Variants in DST observed in about 807,000 individuals in gnomAD.
DST encodes bullous pemphigoid antigen.
Under a neutral mutation model 875.2 loss-of-function variants are expected in DST, and 253 were observed. That is an observed-to-expected ratio of 0.29 (90% CI 0.26 to 0.32). The LOEUF (loss-of-function observed/expected upper bound fraction) is 0.32. Ranked by LOEUF, DST falls within the 10% of genes least tolerant of loss-of-function variation. DST has a pLI of 1.00. For missense variants in DST, 8,287 were observed against 9,111.6 expected (o/e 0.91, Z 3.68); for synonymous variants, 3,124 against 3,197.1 (o/e 0.98, Z 0.77).
At chr6:56,782,721 C>T (rs905781824) in intron 4 of DST, among the ~76,000 whole-genome samples, 1 of 152,092 alleles carries the variant, frequency 6.6e-6, no homozygotes, top group Non-Finnish European at 1.5e-5. Flanking sequence ...GTCTCTATTT[C>T]CTTCAGTTCT....
At chr6:56,704,459 T>C in intron 5 of DST, 90 bp from the exon 6 acceptor site, 2 of 630,102 alleles carry the variant, frequency 3.2e-6, no homozygotes, top group Non-Finnish European at 5.5e-6. Context: ...TAGAAAACAT[T>C]CCTCACATGG....
rs11964738 is a variant in DST at position 56,594,367 on chromosome 6, A to T, written c.12196-174T>A. 0.014 allele frequency among the ~76,000 whole-genome samples: 2,139 copies of T among 152,306 alleles called. 42 individuals are homozygous for T. Among genetic ancestry groups the T allele is most frequent in the African/African-American group, 0.048 (2,002 of 41,566 alleles). The stretch of plus-strand genomic sequence containing the variant: ...CCTTTTATTGGTGGATTTCAGAATA[A>T]CAAGGCATTTTGAGCATGCTAATCT... On this transcript the variant is annotated intron_variant, in intron 47 of 103. Coordinates refer to ENST00000680361, the MANE Select transcript of DST (RefSeq NM_001374736.1).
rs1488762782 is a variant in DST, at chr6:56,815,914, CA to C, written c.625+35482del. On this transcript the variant is annotated intron_variant, in intron 4 of 103. Coordinates refer to ENST00000680361, the MANE Select transcript of DST (RefSeq NM_001374736.1). ...AAATAGACATAAGGCATTCAGGACA[CA>C]AAGATGATTTCATACAATTTGGGTA... 2.0e-5 allele frequency among the ~76,000 whole-genome samples: 3 copies of C among 152,182 alleles called. No individual in the cohort carries two copies. The East Asian group carries it at 5.8e-4, about 29-fold the overall frequency.
intron 64 of DST, among the ~76,000 whole-genome samples, chr6:56,530,606 T>C (rs1174762505): frequency 3.9e-5 from 6 of 152,194 alleles, no homozygotes; most frequent in Non-Finnish European, 8.8e-5. Context: ...AGCTTCTTCC[T>C]CCTCTCCTTA....
rs752781301 is a variant in DST, at chr6:56,552,295, G to T, written c.16497C>A (p.Ser5499Arg). 6.2e-7 allele frequency: 1 copy of T among 1,613,956 alleles called. No individual in the cohort carries two copies. Among genetic ancestry groups the T allele is most frequent in the Non-Finnish European group, 8.5e-7 (1 of 1,179,884 alleles). ...GTIKRLEEFY[S>R]KLKEFSILLQ... Reference sequence around the variant, plus strand: ...GCAGAATAGAAAATTCTTTCAATTTGCTGTAAAATTCTTCAAGGCGCTTAA... The same window carrying T: ...GCAGAATAGAAAATTCTTTCAATTTTCTGTAAAATTCTTCAAGGCGCTTAA... The change falls in exon 61 of 104, where the codon AGC (serine) becomes AGA (arginine). Residue 5499 changes from serine (S) to arginine (R), a missense_variant. Physicochemically the swap from Ser to Arg is moderately radical, Grantham distance 110. Coordinates refer to ENST00000680361, the MANE Select transcript of DST (RefSeq NM_001374736.1).
intron 4 of DST, among the ~76,000 whole-genome samples, chr6:56,738,781 C>G (rs1430582983): frequency 6.6e-6 from 1 of 151,960 alleles, no homozygotes; most frequent in Non-Finnish European, 1.5e-5. Flanking sequence ...TGTCACCACG[C>G]TTGGTGAATT....
intron 3 of DST, among the ~76,000 whole-genome samples, chr6:56,856,480 C>CAA (rs200121381): frequency 3.3e-5 from 5 of 151,602 alleles, no homozygotes; most frequent in African/African-American, 1.2e-4. Flanking sequence ...AAATATTCAC[C>CAA]AAAAAAAACC....
At chr6:56,782,212 T>C (rs1347303307) in intron 4 of DST, among the ~76,000 whole-genome samples, 2 of 152,186 alleles carry the variant, frequency 1.3e-5, no homozygotes, top group Non-Finnish European at 2.9e-5. Context: ...TGCCCGGCTT[T>C]GGGATCAGGA....
chr6:56,607,574 G>T lies in DST; in HGVS notation c.7054C>A (p.Leu2352Ile), dbSNP rs1372303176. ...CTTCTAAGCATGCTAATGTCTGCAA[G>T]TTCAGTCTGTGTTAAATATGATATG... is the stretch of plus-strand genomic sequence containing the variant. ...SLISYLTQTE[L>I]ADISMLRSDS... The change falls in exon 40 of 104, where the codon CTT becomes ATT. Residue 2352 changes from leucine (L) to isoleucine (I), a missense_variant. By Grantham distance (5) the Leu-to-Ile change is conservative. Transcript: ENST00000680361. The T allele has an allele frequency of 1.9e-6, 3 of 1,612,328 alleles. No homozygotes were observed. The Admixed American group carries it at 5.0e-5, about 27-fold the overall frequency.
Position 56,714,009 on chromosome 6 carries a change from G to T in DST, c.688-9640C>A, listed in dbSNP as rs1249060592. On this transcript the variant is annotated intron_variant, in intron 5 of 103. Coordinates refer to ENST00000680361, the MANE Select transcript of DST (RefSeq NM_001374736.1). The surrounding 1 kb of genome is among the most constrained non-coding windows in gnomAD (Gnocchi z 4.5). ...ATCAAGACAACTGACAAAAGGAGAG[G>T]AACACTAAAACTATTTTTAAAGACA... 6.6e-6 allele frequency among the ~76,000 whole-genome samples: 1 copy of T among 152,090 alleles called. No homozygotes were observed. Among genetic ancestry groups the T allele is most frequent in the Non-Finnish European group, 1.5e-5 (1 of 68,022 alleles).
Position 56,607,449 on chromosome 6 carries a change from A to C in DST, c.7179T>G (p.Phe2393Leu). ...ECSHSKNIQN[F>L]PSDLIENPIM... ...TAGGATTTTCTATTAAATCACTTGG[A>C]AAGTTTTGAATGTTTTTAGAATGAC... Residue 2393 changes from phenylalanine to leucine, a missense_variant, in exon 40 of 104, where the codon TTT becomes TTG. Phe to Leu is a conservative substitution (Grantham distance 22). This residue lies in a region of DST where 3,138 missense variants were observed against 3,116.6 expected (regional missense o/e 1.01). Coordinates refer to ENST00000680361, the MANE Select transcript of DST (RefSeq NM_001374736.1). 1 of 1,605,240 alleles carries C rather than the reference A, an allele frequency of 6.2e-7. No homozygotes were observed. Among genetic ancestry groups the C allele is most frequent in the South Asian group, 1.1e-5 (1 of 90,278 alleles).
At chr6:56,731,750 T>C (rs2099499452) in intron 5 of DST, among the ~76,000 whole-genome samples, 1 of 152,230 alleles carries the variant, frequency 6.6e-6, no homozygotes, top group Non-Finnish European at 1.5e-5. Flanking sequence ...GTTATAACAG[T>C]GCTGCAATAA....
intron 4 of DST, among the ~76,000 whole-genome samples, chr6:56,799,620 G>T (rs2099744411): frequency 6.7e-6 from 1 of 149,798 alleles, no homozygotes; most frequent in Non-Finnish European, 1.5e-5. Context: ...TTTTTTGTTT[G>T]TTTGGTTTTG....
intron 3 of DST, among the ~76,000 whole-genome samples, chr6:56,868,071 T>A (rs1233121182): frequency 2.0e-5 from 3 of 152,192 alleles, no homozygotes; most frequent in Non-Finnish European, 4.4e-5. Flanking sequence ...AAACATTAAA[T>A]GTCTGGGTTT....
intron 87 of DST, among the ~76,000 whole-genome samples, chr6:56,486,541 T>C (rs1241003310): frequency 6.6e-6 from 1 of 152,116 alleles, no homozygotes; most frequent in Non-Finnish European, 1.5e-5. Context: ...TCTACTACTA[T>C]TGTACTCAAT....
intron 4 of DST, among the ~76,000 whole-genome samples, chr6:56,804,881 C>CT (rs2099751334): frequency 6.6e-6 from 1 of 152,076 alleles, no homozygotes; most frequent in South Asian, 2.1e-4. Context: ...TTTGAACTCA[C>CT]TTTACAAGAT....
chr6:56,712,090 C>CAAAAAAAAAAAAAAAAA (rs34769867), intron 5 of DST, among the ~76,000 whole-genome samples: 37 of 76,442 alleles, frequency 4.8e-4, no homozygotes, highest in Non-Finnish European at 9.5e-4. Context: ...GACTCCGTCT[C>CAAAAAAAAAAAAAAAAA]AAAAAAAAAA....
At chr6:56,707,092 G>T (rs951708538) in intron 5 of DST, among the ~76,000 whole-genome samples, 1 of 152,194 alleles carries the variant, frequency 6.6e-6, no homozygotes, top group African/African-American at 2.4e-5. Context: ...AGCTCAGGTG[G>T]TAAGGCTGGC....
At chr6:56,461,477 A>G (rs1202704157) in intron 102 of DST, 1 of 152,256 alleles carries the variant, frequency 6.6e-6, no homozygotes, top group African/African-American at 2.4e-5. Flanking sequence ...GAGAAGCCAC[A>G]AATTATGAAA....
Sources: gnomAD v4.1 joint callset for allele counts (sites outside exome capture counted in the v4.1 genomes callset) on GRCh38, gnomAD v4.1.1 for gene constraint, gnomAD v4.1.1 regional missense constraint, Gnocchi (gnomAD v3.1) non-coding constraint, MANE v1.5 for transcripts, NCBI Gene and HGNC (gene_info 2026-07-23, HGNC 2026-07-21) for gene names.